Variants in SEL1L3 observed in about 807,000 individuals in gnomAD.
SEL1L3 encodes the protein SEL1L family member 3.
A neutral mutation model predicts 142.8 loss-of-function variants in SEL1L3; 76 were observed. The observed-to-expected ratio is 0.53, with a 90% CI of 0.44 to 0.64. SEL1L3 has a LOEUF of 0.64. Among genes scored for constraint, SEL1L3 ranks in the 30% least tolerant of loss-of-function variants. The pLI, the probability that SEL1L3 is intolerant of heterozygous loss-of-function variation, is 0.00. For synonymous variants in SEL1L3, 504 were observed against 519.6 expected, an observed-to-expected ratio of 0.97 and a Z score of 0.41; for missense variants, 1,262 against 1,381.7, an observed-to-expected ratio of 0.91 and a Z score of 1.37.
intron 11 of SEL1L3, among the ~76,000 whole-genome samples, chr4:25,799,779 A>T (rs1484319870): frequency 6.6e-6 from 1 of 152,180 alleles, no homozygotes; most frequent in Non-Finnish European, 1.5e-5. Flanking sequence ...CTTTTGCAGT[A>T]TGTGACAATG....
intron 17 of SEL1L3, among the ~76,000 whole-genome samples, chr4:25,775,172 C>T (rs1352194745): frequency 3.9e-5 from 6 of 152,184 alleles, no homozygotes; most frequent in Middle Eastern, 6.8e-3. Flanking sequence ...GGTACATTTA[C>T]GATGGGGAAA....
chr4:25,816,203 C>G (rs1714382342), intron 9 of SEL1L3, among the ~76,000 whole-genome samples: 1 of 149,378 alleles, frequency 6.7e-6, no homozygotes, highest in African/African-American at 2.5e-5. Flanking sequence ...CATATACATA[C>G]ACATATATAC....
At chr4:25,774,705 A>G (rs936398350) in intron 17 of SEL1L3, among the ~76,000 whole-genome samples, 6 of 152,148 alleles carry the variant, frequency 3.9e-5, no homozygotes, top group Admixed American at 3.9e-4. Context: ...TAAAAATACA[A>G]AAATTATCTG....
intron 23 of SEL1L3, among the ~76,000 whole-genome samples, chr4:25,752,010 G>T (rs1717623884): frequency 6.6e-6 from 1 of 151,242 alleles, no homozygotes; most frequent in African/African-American, 2.4e-5. Context: ...TCAGGAGGCT[G>T]AGGCAGGAGA....
intron 6 of SEL1L3, among the ~76,000 whole-genome samples, chr4:25,827,459 C>T (rs1577665823): frequency 6.6e-6 from 1 of 152,274 alleles, no homozygotes; most frequent in Non-Finnish European, 1.5e-5. Flanking sequence ...CAGGAGAGAC[C>T]GGGAGCAAAT....
At chr4:25,797,193 C>CAAA in intron 11 of SEL1L3, among the ~76,000 whole-genome samples, 1 of 140,850 alleles carries the variant, frequency 7.1e-6, no homozygotes, top group Non-Finnish European at 1.5e-5. Flanking sequence ...AAAGGAAGAC[C>CAAA]AAAAAAAAAA....
intron 21 of SEL1L3, 135 bp from the exon 22 acceptor site, chr4:25,757,925 G>C (rs1455906441): frequency 1.5e-6 from 1 of 652,288 alleles, no homozygotes; most frequent in African/African-American, 1.8e-5. Context: ...ACAAAGATGA[G>C]AGACAAAGAA....
chr4:25,785,093 T>G (rs765168652), intron 13 of SEL1L3, among the ~76,000 whole-genome samples: 1 of 152,124 alleles, frequency 6.6e-6, no homozygotes. Context: ...TCAGAATTAC[T>G]GATACCCCCA....
Position 25,818,135 on chromosome 4 carries a change from T to G in SEL1L3, c.1564+3A>C. 1 of 1,610,944 alleles carries G rather than the reference T, an allele frequency of 6.2e-7. No individual in the cohort carries two copies. Among genetic ancestry groups the G allele is most frequent in the East Asian group, 2.2e-5 (1 of 44,786 alleles). On this transcript the variant is annotated splice_donor_region_variant and intron_variant, in intron 9 of 23. Coordinates refer to ENST00000399878, the MANE Select transcript of SEL1L3 (RefSeq NM_015187.5). ...CCTAAAGCCGAGGCAAAGACTCAAT[T>G]ACCGGTCAGCAGATCCATCTCCAGC...
intron 16 of SEL1L3, chr4:25,776,817 A>G (rs1452548183): frequency 6.7e-6 from 1 of 149,984 alleles, no homozygotes; most frequent in Non-Finnish European, 1.5e-5. Flanking sequence ...TAAAAAGCTA[A>G]CAGAAGGGGA....
intron 20 of SEL1L3, among the ~76,000 whole-genome samples, chr4:25,763,305 A>G (rs1718506519): frequency 6.6e-6 from 1 of 152,234 alleles, no homozygotes; most frequent in South Asian, 2.1e-4. Flanking sequence ...ATAACAGAAT[A>G]GATCATGTCC....
intron 16 of SEL1L3, among the ~76,000 whole-genome samples, chr4:25,778,342 T>C (rs1719774965): frequency 6.6e-6 from 1 of 152,084 alleles, no homozygotes; most frequent in African/African-American, 2.4e-5. Flanking sequence ...AATATAATAT[T>C]TAGATAGGTC....
At chr4:25,837,146 G>C (rs561784437) in intron 2 of SEL1L3, among the ~76,000 whole-genome samples, 1 of 151,484 alleles carries the variant, frequency 6.6e-6, no homozygotes, top group Non-Finnish European at 1.5e-5. Flanking sequence ...GTGGTGAGAG[G>C]GGTGAGAAAT....
At chr4:25,834,689 G>A (rs1715676865) in intron 3 of SEL1L3, among the ~76,000 whole-genome samples, 1 of 152,192 alleles carries the variant, frequency 6.6e-6, no homozygotes, top group African/African-American at 2.4e-5. Flanking sequence ...CCAGCAGCAT[G>A]GGAAGAATTA....
rs191558749 is a variant in SEL1L3, at chr4:25,826,289, C to A, written c.1157+3809G>T. 1.7e-3 allele frequency among the ~76,000 whole-genome samples: 264 copies of A among 152,286 alleles called. 1 individual carries two copies. The highest frequency in any genetic ancestry group is 5.9e-3 in the African/African-American group (247 of 41,570). On this transcript the variant is annotated intron_variant, in intron 6 of 23. Transcript: ENST00000399878. ...TATTATTGACAGCCTTTCATTTATG[C>A]GTTGCACTGCAATCCCGAGCACTTA...
At chr4:25,781,515 G>A (rs1395607490) in intron 15 of SEL1L3, among the ~76,000 whole-genome samples, 2 of 152,146 alleles carry the variant, frequency 1.3e-5, no homozygotes, top group African/African-American at 4.8e-5. Context: ...GTGCACGCCT[G>A]TAATCCCAGT....
intron 23 of SEL1L3, among the ~76,000 whole-genome samples, chr4:25,748,889 C>T (rs911761170): frequency 1.3e-5 from 2 of 152,180 alleles, no homozygotes; most frequent in Non-Finnish European, 2.9e-5. Context: ...CTTCGGGCCC[C>T]TTCCAGTACC....
chr4:25,777,375 G>T (rs1199787815), intron 16 of SEL1L3, among the ~76,000 whole-genome samples: 23 of 152,130 alleles, frequency 1.5e-4, no homozygotes, highest in Admixed American at 1.5e-3. Context: ...AGGTAGGTAA[G>T]TCCACAAATA....
intron 3 of SEL1L3, among the ~76,000 whole-genome samples, chr4:25,834,137 T>C (rs913178691): frequency 6.6e-6 from 1 of 152,214 alleles, no homozygotes; most frequent in Non-Finnish European, 1.5e-5. Context: ...GGCTGACCAA[T>C]ACGGAACAAT....
Sources: gnomAD v4.1 joint callset for allele counts (sites outside exome capture counted in the v4.1 genomes callset) on GRCh38, gnomAD v4.1.1 for gene constraint, MANE v1.5 for transcripts, NCBI Gene and HGNC (gene_info 2026-07-23, HGNC 2026-07-21) for gene names.